Variants in COL11A1 observed in about 807,000 individuals in gnomAD.
COL11A1 encodes the protein collagen type XI alpha 1 chain, also known as collagen alpha-1(XI) chain.
In COL11A1, 74 loss-of-function variants were observed where a neutral mutation model predicts 265.2. The ratio of observed to expected loss-of-function variants is 0.28; its 90% confidence interval spans 0.23 to 0.34. The LOEUF is 0.34. Among genes scored for constraint, COL11A1 ranks in the 10% least tolerant of loss-of-function variants. The probability of loss-of-function intolerance (pLI) is 1.00; values close to 1 mark genes in which losing one functional copy is unlikely to be tolerated. For synonymous variants in COL11A1, 816 were observed against 727.6 expected (o/e 1.12, Z -1.96); for missense variants, 2,165 against 2,263.6 (o/e 0.96, Z 0.88).
chr1:103,048,250 T>G (rs945500398), intron 4 of COL11A1, among the ~76,000 whole-genome samples: 2 of 152,132 alleles, frequency 1.3e-5, no homozygotes, highest in African/African-American at 2.4e-5. Context: ...TTTTTGGTTG[T>G]TAAGCTATTG....
rs1211665397 is a variant in COL11A1 at position 103,036,294 on chromosome 1, A to G, written c.652-5050T>C. Among the ~76,000 whole-genome samples, 4 of 145,352 alleles carry G rather than the reference A, an allele frequency of 2.8e-5. No individual in the cohort carries two copies. In the Admixed American group the frequency reaches 2.9e-4, roughly 10 times the overall value. On this transcript the variant is annotated intron_variant, in intron 4 of 66. Coordinates refer to ENST00000370096, the MANE Select transcript of COL11A1 (RefSeq NM_001854.4). Reference sequence around the variant, plus strand: ...AAATTATAATGAATCAAGTGAATCTATTGCTGAAAAACAAAAAAGTTGCTA... The same window carrying G: ...AAATTATAATGAATCAAGTGAATCTGTTGCTGAAAAACAAAAAAGTTGCTA...
chr1:102,967,498 C>A (rs1267451156), intron 37 of COL11A1, among the ~76,000 whole-genome samples: 2 of 151,996 alleles, frequency 1.3e-5, no homozygotes, highest in African/African-American at 4.8e-5. Flanking sequence ...CCTCGGCCTC[C>A]CAAAGTGCTG....
chr1:103,004,357 GTT>G, intron 20 of COL11A1, 85 bp downstream of exon 20: 3 of 989,860 alleles, frequency 3.0e-6, no homozygotes, highest in Non-Finnish European at 3.1e-6. Flanking sequence ...GTTTACCTGG[GTT>G]TATCATTGTT....
At position 102,889,433 on chromosome 1, in the gene COL11A1, A is replaced by C. The variant is rs769264112; in HGVS notation, c.4464+22T>G. 1.3e-5 allele frequency: 20 copies of C among 1,488,018 alleles called. No individual in the cohort carries two copies. The East Asian group carries it at 4.5e-4, about 34-fold the overall frequency. 92.2% of individuals were successfully genotyped at this position (1,488,018 alleles called of 1,614,324 possible). ...TGTATTATTGGAAATGAGTAGAAAA[A>C]ATAACCTATATTTTTACTCACCCCA... On this transcript the variant is annotated intron_variant, in intron 59 of 66. Coordinates refer to ENST00000370096, the MANE Select transcript of COL11A1 (RefSeq NM_001854.4).
intron 4 of COL11A1, among the ~76,000 whole-genome samples, chr1:103,058,471 T>G (rs1180695538): frequency 6.6e-6 from 1 of 152,212 alleles, no homozygotes; most frequent in African/African-American, 2.4e-5. Context: ...TCATAACTCT[T>G]GGATTCACAG....
chr1:103,052,682 T>C (rs1353740445), intron 4 of COL11A1, among the ~76,000 whole-genome samples: 4 of 152,198 alleles, frequency 2.6e-5, no homozygotes, highest in Non-Finnish European at 4.4e-5. Flanking sequence ...ACATATGCTA[T>C]CTTACAGCTT....
At position 102,899,012 on chromosome 1, in the gene COL11A1, A is replaced by T; in HGVS notation, c.4087-18T>A. On this transcript the variant is annotated intron_variant, in intron 54 of 66. Coordinates refer to ENST00000370096, the MANE Select transcript of COL11A1 (RefSeq NM_001854.4). ...GGAGGACCCTATAGACATAAGATTT[A>T]TTGTAAAATATGTATCACATATAAA... is the stretch of plus-strand genomic sequence containing the variant. 6.9e-7 allele frequency: 1 copy of T among 1,440,074 alleles called. No homozygotes were observed. The highest frequency in any genetic ancestry group is 9.5e-7 in the Non-Finnish European group (1 of 1,055,900). The allele number at this position is 1,440,074 out of a possible 1,614,324, so 89.2% of individuals were successfully genotyped here.
chr1:102,985,020 T>TA lies in COL11A1; in HGVS notation c.2503-830dup, dbSNP rs552176045. On this transcript the variant is annotated intron_variant, in intron 30 of 66. Coordinates refer to ENST00000370096, the MANE Select transcript of COL11A1 (RefSeq NM_001854.4). ...ATTTCTATCTGAACAAAACATTAAT[T>TA]AAAAAAAAACACAGGTAAAAAGATA... Among the ~76,000 whole-genome samples the TA allele has an allele frequency of 6.4e-3, 957 of 150,636 alleles. 12 individuals are homozygous for TA. The highest frequency in any genetic ancestry group is 0.021 in the African/African-American group (874 of 41,136).
chr1:102,905,139 C>T (rs1290260295), intron 54 of COL11A1, among the ~76,000 whole-genome samples: 2 of 146,952 alleles, frequency 1.4e-5, no homozygotes, highest in South Asian at 2.2e-4. Flanking sequence ...AACCAAACAC[C>T]GCATGTTCTC....
chr1:103,094,382 C>A (rs1673573626), intron 1 of COL11A1, among the ~76,000 whole-genome samples: 1 of 152,126 alleles, frequency 6.6e-6, no homozygotes, highest in South Asian at 2.1e-4. Context: ...ATCACATAGA[C>A]CCTTCTATGA....
chr1:103,010,538 T>G (rs1479429416), intron 14 of COL11A1, among the ~76,000 whole-genome samples: 2 of 152,172 alleles, frequency 1.3e-5, no homozygotes, highest in Non-Finnish European at 2.9e-5. Context: ...TGGCTCTTAA[T>G]GGTTGTTTAA....
At chr1:102,965,372 T>TA (rs1661310345) in intron 38 of COL11A1, 115 bp downstream of exon 38, 12 of 1,075,746 alleles carry the variant, frequency 1.1e-5, no homozygotes, top group East Asian at 2.4e-5. Flanking sequence ...CAATCTGAAA[T>TA]AAAAAATACA....
intron 4 of COL11A1, among the ~76,000 whole-genome samples, chr1:103,048,975 A>G (rs1669551732): frequency 6.6e-6 from 1 of 151,990 alleles, no homozygotes; most frequent in Non-Finnish European, 1.5e-5. Flanking sequence ...AGTTTGGTAT[A>G]ATTTCTGTTC....
chr1:102,916,589 G>A (rs1266286814), intron 49 of COL11A1, among the ~76,000 whole-genome samples: 1 of 151,902 alleles, frequency 6.6e-6, no homozygotes, highest in Non-Finnish European at 1.5e-5. Flanking sequence ...CAAATCCACT[G>A]CTCTTAAATA....
Position 102,962,570 on chromosome 1 carries a change from T to A in COL11A1, c.3024+83A>T, listed in dbSNP as rs1481548318. The A allele has an allele frequency of 3.4e-6, 4 of 1,188,286 alleles. No homozygotes were observed. In the East Asian group the frequency reaches 9.3e-5, roughly 28 times the overall value. The allele number at this position is 1,188,286 out of a possible 1,614,324, so 73.6% of individuals were successfully genotyped here. ...ACACATCTTCTGACATTCATTTAAA[T>A]GGAATCTGTAGACAAGGGGTGAGTA... On this transcript the variant is annotated intron_variant, in intron 39 of 66. Coordinates refer to ENST00000370096, the MANE Select transcript of COL11A1 (RefSeq NM_001854.4).
chr1:102,992,779 T>C (rs1442519408), intron 28 of COL11A1, among the ~76,000 whole-genome samples: 4 of 152,106 alleles, frequency 2.6e-5, no homozygotes, highest in Non-Finnish European at 5.9e-5. Context: ...GGAATTTTCT[T>C]TATTTTACAG....
chr1:103,066,212 CAG>C (rs1422276828), intron 4 of COL11A1, among the ~76,000 whole-genome samples: 5 of 151,762 alleles, frequency 3.3e-5, no homozygotes, highest in Non-Finnish European at 5.9e-5. Flanking sequence ...AAAAGATAAA[CAG>C]AAATAACAAA....
rs1044584275 is a variant in COL11A1, at chr1:102,962,565, T to G, written c.3024+88A>C. On this transcript the variant is annotated intron_variant, in intron 39 of 66. Coordinates refer to ENST00000370096, the MANE Select transcript of COL11A1 (RefSeq NM_001854.4). ...TCCTGACACATCTTCTGACATTCAT[T>G]TAAATGGAATCTGTAGACAAGGGGT... 3 of 1,157,676 alleles carry G rather than the reference T, an allele frequency of 2.6e-6. No individual in the cohort carries two copies. The African/African-American group carries it at 4.5e-5, about 18-fold the overall frequency. 71.7% of individuals were successfully genotyped at this position (1,157,676 alleles called of 1,614,324 possible).
At chr1:102,929,395 T>C (rs1657080215) in intron 46 of COL11A1, among the ~76,000 whole-genome samples, 1 of 152,026 alleles carries the variant, frequency 6.6e-6, no homozygotes, top group Non-Finnish European at 1.5e-5. Flanking sequence ...AAAGAACAGA[T>C]AGTTGTAGAT....
Sources: gnomAD v4.1 joint callset for allele counts (sites outside exome capture counted in the v4.1 genomes callset) on GRCh38, gnomAD v4.1.1 for gene constraint, MANE v1.5 for transcripts, NCBI Gene and HGNC (gene_info 2026-07-23, HGNC 2026-07-21) for gene names.